Variants in TF observed in about 807,000 individuals in gnomAD.
The protein encoded by TF is serotransferrin.
In TF, 55 loss-of-function variants were observed where a neutral mutation model predicts 82.4. The ratio of observed to expected loss-of-function variants is 0.67; its 90% CI spans 0.54 to 0.84. TF has a LOEUF of 0.84. Among genes scored for constraint, TF ranks in the 40% least tolerant of loss-of-function variants. TF has a pLI of 0.00. For missense variants in TF, 737 were observed against 868.4 expected (o/e 0.85, Z 1.90); for synonymous variants, 332 against 332.6 (o/e 1.00, Z 0.02).
chr3:133,739,124 C>T, the TF span, among the ~76,000 whole-genome samples: 1 of 152,118 alleles, frequency 6.6e-6, no homozygotes, highest in Non-Finnish European at 1.5e-5. Context: ...ATATATAGAC[C>T]AATGGAACAG....
At chr3:133,693,600 C>T in the TF span, among the ~76,000 whole-genome samples, 1 of 152,136 alleles carries the variant, frequency 6.6e-6, no homozygotes, top group Non-Finnish European at 1.5e-5. Flanking sequence ...TGATCACTTG[C>T]CTCAGTGTCA....
chr3:133,703,907 G>GCCATGTTA, the TF span, among the ~76,000 whole-genome samples: 1 of 152,214 alleles, frequency 6.6e-6, no homozygotes, highest in African/African-American at 2.4e-5. Context: ...CCTGAGTCTG[G>GCCATGTTA]CCATGTTAAT....
At chr3:133,666,885 A>C in the TF span, among the ~76,000 whole-genome samples, 2 of 151,742 alleles carry the variant, frequency 1.3e-5, no homozygotes, top group African/African-American at 2.4e-5. Context: ...AAATACAAAA[A>C]ATTAGCCAGG....
Position 133,781,287 on chromosome 3 carries a change from G to C in TF, c.*2667G>C, listed in dbSNP as rs180984548. ...GCCGAGATCGCACCATTGCACTCCA[G>C]TCTAGACAACAAGAGCAAAACTCTG... On this transcript the variant is annotated 3_prime_UTR_variant, in exon 17 of 17. Coordinates refer to ENST00000402696, the MANE Select transcript of TF (RefSeq NM_001063.4). 6.6e-6 allele frequency: 1 copy of C among 152,120 alleles called. No individual in the cohort carries two copies. The highest frequency in any genetic ancestry group is 1.9e-4 in the East Asian group (1 of 5,186). The allele number at this position is 152,120 out of a possible 1,614,324, so 9.4% of individuals were successfully genotyped here.
the TF span, among the ~76,000 whole-genome samples, chr3:133,682,951 G>C: frequency 1.3e-5 from 2 of 152,216 alleles, no homozygotes; most frequent in African/African-American, 4.8e-5. Flanking sequence ...GGCAGCCAGA[G>C]AGAAAGGTTG....
chr3:133,723,714 A>G, the TF span, among the ~76,000 whole-genome samples: 4 of 150,204 alleles, frequency 2.7e-5, no homozygotes, highest in Non-Finnish European at 5.9e-5. Context: ...TCTGCAGGTT[A>G]GTTACATATG....
intron 7 of TF, 102 bp downstream of exon 7, chr3:133,757,111 G>A: frequency 6.9e-7 from 1 of 1,458,696 alleles, no homozygotes; most frequent in African/African-American, 1.4e-5. Context: ...TGTGTGTTCA[G>A]GATACAGTGG....
chr3:133,715,650 A>C, the TF span, among the ~76,000 whole-genome samples: 1 of 152,198 alleles, frequency 6.6e-6, no homozygotes, highest in African/African-American at 2.4e-5. Context: ...TTGCTAACTC[A>C]TATTTCTCCC....
the TF span, among the ~76,000 whole-genome samples, chr3:133,665,363 A>T: frequency 6.6e-6 from 1 of 151,152 alleles, no homozygotes; most frequent in African/African-American, 2.4e-5. Context: ...GCTACTCAGG[A>T]GGCTGAGGTG....
rs769138960 is a variant in TF at position 133,770,547 on chromosome 3, C to T, written c.1662C>T (p.His554=). ...AGGGAGATGTGGCCTTTGTGAAACA[C>T]CAGACTGTCCCACAGAACACTGGGG... ...VEKGDVAFVK[H]QTVPQNTGGK... is the part of the protein sequence containing the mutation. Residue 554 remains histidine, a synonymous_variant, in exon 14 of 17, where the codon CAC becomes CAT. Coordinates refer to ENST00000402696, the MANE Select transcript of TF (RefSeq NM_001063.4). 3 of 1,614,122 alleles carry T rather than the reference C, an allele frequency of 1.9e-6. No individual in the cohort carries two copies. Among genetic ancestry groups the T allele is most frequent in the East Asian group, 2.2e-5 (1 of 44,880 alleles).
At chr3:133,705,131 A>G in the TF span, among the ~76,000 whole-genome samples, 113,783 of 151,982 alleles carry the variant, frequency 0.75, 43,040 homozygotes, top group Non-Finnish European at 0.81. Flanking sequence ...AAAAATTAGC[A>G]GGGCATGGCA....
At chr3:133,754,959 C>G (rs1576357867) in intron 4 of TF, among the ~76,000 whole-genome samples, 1 of 152,316 alleles carries the variant, frequency 6.6e-6, no homozygotes, top group South Asian at 2.1e-4. Flanking sequence ...TGGTGGTTCT[C>G]TTGTCCACTT....
In TF at chr3:133,765,655, C is replaced by T. The variant is rs866190450; in HGVS notation, c.1331-623C>T. 2.6e-5 allele frequency among the ~76,000 whole-genome samples: 4 copies of T among 152,268 alleles called. No individual in the cohort carries two copies. In the South Asian group the frequency reaches 6.2e-4, roughly 24 times the overall value. On this transcript the variant is annotated intron_variant, in intron 11 of 16. Coordinates refer to ENST00000402696, the MANE Select transcript of TF (RefSeq NM_001063.4). Reference sequence around the variant, plus strand: ...AGATATAGAAAAAGCCATTCTTATTCTATGGATAATAAAGATTCTGTTTTC... The same window carrying T: ...AGATATAGAAAAAGCCATTCTTATTTTATGGATAATAAAGATTCTGTTTTC...
the TF span, among the ~76,000 whole-genome samples, chr3:133,681,750 C>T: frequency 1.3e-5 from 2 of 152,344 alleles, no homozygotes; most frequent in African/African-American, 4.8e-5. Context: ...GGCCTGCCTG[C>T]CTCTGTAGAC....
chr3:133,768,198 T>A (rs1282568266), intron 13 of TF, 34 bp downstream of exon 13: 1 of 1,613,532 alleles, frequency 6.2e-7, no homozygotes, highest in Admixed American at 1.7e-5. Context: ...AATAGAATAA[T>A]ATACAAGCCC....
chr3:133,769,516 G>T (rs1302859215), intron 13 of TF, among the ~76,000 whole-genome samples: 1 of 152,114 alleles, frequency 6.6e-6, no homozygotes, highest in African/African-American at 2.4e-5. Flanking sequence ...ATAAAACTTA[G>T]CTATGAAGTA....
the TF span, among the ~76,000 whole-genome samples, chr3:133,718,705 A>G: frequency 6.6e-6 from 1 of 152,184 alleles, no homozygotes; most frequent in Admixed American, 6.5e-5. Context: ...ACAAGTTTCC[A>G]GCCAACACTG....
chr3:133,672,714 A>G, the TF span, among the ~76,000 whole-genome samples: 1 of 127,636 alleles, frequency 7.8e-6, no homozygotes, highest in East Asian at 2.8e-4. Flanking sequence ...GCAATAGAGC[A>G]GGACCCAAGC....
upstream of TF, among the ~76,000 whole-genome samples, chr3:133,744,646 C>T (rs146609202): frequency 1.2e-4 from 19 of 152,306 alleles, no homozygotes; most frequent in African/African-American, 4.3e-4. Flanking sequence ...GACAGGGCAG[C>T]AGTGGTCACT....
Sources: gnomAD v4.1 joint callset for allele counts (sites outside exome capture counted in the v4.1 genomes callset) on GRCh38, gnomAD v4.1.1 for gene constraint, MANE v1.5 for transcripts, NCBI Gene and HGNC (gene_info 2026-07-23, HGNC 2026-07-21) for gene names.